The following ASAP1 variants were observed in gnomAD, a reference collection of about 807,000 sequenced individuals.
ASAP1 encodes the protein ArfGAP with SH3 domain, ankyrin repeat and PH domain 1.
A neutral mutation model predicts 145.2 loss-of-function variants in ASAP1; 43 were observed. The observed-to-expected ratio is 0.30, with a 90% confidence interval of 0.23 to 0.38. ASAP1 has a LOEUF of 0.38. Ranked by LOEUF, ASAP1 falls within the 10% of genes least tolerant of loss-of-function variation. The pLI, the probability that ASAP1 is intolerant of heterozygous loss-of-function variation, is 1.00. For missense variants in ASAP1, 1,018 were observed against 1,355.3 expected, an observed-to-expected ratio of 0.75 and a Z score of 3.91; for synonymous variants, 546 against 515.5, an observed-to-expected ratio of 1.06 and a Z score of -0.80.
At chr8:130,306,755 C>T (rs960826850) in intron 3 of ASAP1, among the ~76,000 whole-genome samples, 34 of 152,346 alleles carry the variant, frequency 2.2e-4, no homozygotes, top group African/African-American at 7.7e-4. Context: ...AATTCTTCAG[C>T]TATACTCACA....
chr8:130,155,893 T>G (rs1403765251), intron 12 of ASAP1, among the ~76,000 whole-genome samples: 1 of 152,190 alleles, frequency 6.6e-6, no homozygotes, highest in African/African-American at 2.4e-5. Flanking sequence ...TATTAGAAAA[T>G]GGTCTCGTAT....
intron 24 of ASAP1, among the ~76,000 whole-genome samples, chr8:130,102,207 C>A (rs112854327): frequency 6.6e-6 from 1 of 152,152 alleles, no homozygotes; most frequent in Admixed American, 6.5e-5. Context: ...CAGCTTTCCC[C>A]CATTCAGGAT....
At chr8:130,151,607 C>T (rs557373295) in intron 13 of ASAP1, among the ~76,000 whole-genome samples, 2 of 152,232 alleles carry the variant, frequency 1.3e-5, no homozygotes, top group Admixed American at 6.5e-5. Flanking sequence ...GAAAAGTGTG[C>T]TGCGAGGGGC....
At chr8:130,126,824 T>C (rs2097575639) in intron 16 of ASAP1, among the ~76,000 whole-genome samples, 1 of 152,216 alleles carries the variant, frequency 6.6e-6, no homozygotes, top group South Asian at 2.1e-4. Flanking sequence ...GAAAATCCAG[T>C]TTCACAAGTA....
chr8:130,380,140 A>G (rs1827699143), intron 2 of ASAP1, among the ~76,000 whole-genome samples: 1 of 152,200 alleles, frequency 6.6e-6, no homozygotes, highest in South Asian at 2.1e-4. Context: ...GGAGGATCTG[A>G]GTACAAGGAG....
intron 27 of ASAP1, among the ~76,000 whole-genome samples, chr8:130,070,497 G>A (rs1384141119): frequency 1.3e-5 from 2 of 152,262 alleles, no homozygotes; most frequent in African/African-American, 4.8e-5. Flanking sequence ...AGAAGCTAGA[G>A]TGCTGGCAGG....
intron 24 of ASAP1, among the ~76,000 whole-genome samples, chr8:130,098,622 A>G (rs2097523229): frequency 6.6e-6 from 1 of 152,200 alleles, no homozygotes; most frequent in Non-Finnish European, 1.5e-5. Flanking sequence ...TGCCGAGATT[A>G]CAGGTGTGAG....
intron 1 of ASAP1, among the ~76,000 whole-genome samples, chr8:130,440,199 T>A (rs1830444103): frequency 6.6e-6 from 1 of 152,168 alleles, no homozygotes; most frequent in African/African-American, 2.4e-5. Flanking sequence ...TTCCTGCTTC[T>A]ACACTTTGCC....
intron 9 of ASAP1, among the ~76,000 whole-genome samples, chr8:130,174,570 A>C (rs371549973): frequency 1.3e-5 from 2 of 152,308 alleles, no homozygotes; most frequent in African/African-American, 4.8e-5. Context: ...CCAACCATGC[A>C]ACTAGGTTCA....
chr8:130,384,401 T>G (rs1043525631), intron 2 of ASAP1, among the ~76,000 whole-genome samples: 2 of 152,198 alleles, frequency 1.3e-5, no homozygotes, highest in Non-Finnish European at 2.9e-5. Flanking sequence ...CCTCCCCCTC[T>G]TCTTACTCAG....
chr8:130,137,083 T>C (rs775120922), intron 13 of ASAP1, 45 bp from the exon 14 acceptor site: 90 of 1,525,394 alleles, frequency 5.9e-5, no homozygotes, highest in Non-Finnish European at 5.5e-5. Flanking sequence ...AGCTCCACTC[T>C]CTTGTCTGCA....
At chr8:130,416,133 T>C (rs1417362161) in intron 1 of ASAP1, among the ~76,000 whole-genome samples, 1 of 152,174 alleles carries the variant, frequency 6.6e-6, no homozygotes, top group East Asian at 1.9e-4. Flanking sequence ...TAAGCCTGGA[T>C]GCAGCTGACT....
intron 3 of ASAP1, among the ~76,000 whole-genome samples, chr8:130,268,521 AC>A (rs1820398795): frequency 1.3e-5 from 2 of 151,654 alleles, no homozygotes; most frequent in African/African-American, 4.9e-5. Context: ...ACACACACAC[AC>A]ACACACACAC....
chr8:130,343,254 T>C (rs1825500198), intron 3 of ASAP1, among the ~76,000 whole-genome samples: 1 of 152,172 alleles, frequency 6.6e-6, no homozygotes, highest in African/African-American at 2.4e-5. Context: ...ATGGGGCAGA[T>C]AGAGAAGTCA....
At chr8:130,123,693 C>T (rs1280573372) in intron 18 of ASAP1, among the ~76,000 whole-genome samples, 1 of 152,134 alleles carries the variant, frequency 6.6e-6, no homozygotes, top group African/African-American at 2.4e-5. Flanking sequence ...GGGGTGCGAT[C>T]TCGGCTCACT....
chr8:130,058,259 C>A (rs949661056), intron 28 of ASAP1, among the ~76,000 whole-genome samples, 183 bp from the exon 29 acceptor site: 1 of 152,222 alleles, frequency 6.6e-6, no homozygotes, highest in African/African-American at 2.4e-5. Context: ...GTACTCTTAA[C>A]TACAGGCCCT....
At position 130,113,377 on chromosome 8, in the gene ASAP1, C is replaced by T. The variant is rs200721948; in HGVS notation, c.2173-1055G>A. On this transcript the variant is annotated intron_variant, in intron 23 of 29. Coordinates refer to ENST00000518721, the MANE Select transcript of ASAP1 (RefSeq NM_018482.4). ...CCCACTTCTTTCCCTGGCAAGCTTC[C>T]ACCTATCCTTAGAAACCCATCTCCA... Among the ~76,000 whole-genome samples the T allele has an allele frequency of 2.6e-5, 4 of 152,316 alleles. No individual in the cohort carries two copies. The East Asian group carries it at 7.7e-4, about 29-fold the overall frequency.
In ASAP1 at chr8:130,099,700, T is replaced by TTTTTTG. The variant is rs35874860; in HGVS notation, c.2402-7558_2402-7557insCAAAAA. On this transcript the variant is annotated intron_variant, in intron 24 of 29. Coordinates refer to ENST00000518721, the MANE Select transcript of ASAP1 (RefSeq NM_018482.4). ...TCATTCTTTTTTTTTTTTTTTTTTTTGAGACAGAGTCTTGCTGTGTCGTCC... is the reference window on the plus strand; with the variant it reads ...TCATTCTTTTTTTTTTTTTTTTTTTTTTTTTGGAGACAGAGTCTTGCTGTGTCGTCC... Among the ~76,000 whole-genome samples, 35 of 125,148 alleles carry TTTTTTG rather than the reference T, an allele frequency of 2.8e-4. 3 individuals are homozygous for TTTTTTG. Among genetic ancestry groups the TTTTTTG allele is most frequent in the South Asian group, 9.8e-4 (4 of 4,096 alleles). The allele number at this position is 125,148 out of a possible 152,430, so 82.1% of individuals were successfully genotyped here. A position where few individuals can be genotyped will look rare whatever the true frequency, so the allele number is the denominator to read the frequency against.
At chr8:130,096,044 C>T (rs1275796014) in intron 24 of ASAP1, among the ~76,000 whole-genome samples, 2 of 152,142 alleles carry the variant, frequency 1.3e-5, no homozygotes, top group Non-Finnish European at 2.9e-5. Context: ...TATAATCTTA[C>T]ACTTGGAAAA....
Sources: allele counts gnomAD v4.1 joint callset (sites outside exome capture counted in the v4.1 genomes callset), GRCh38; gene constraint gnomAD v4.1.1; transcripts MANE v1.5; gene names NCBI Gene and HGNC (gene_info 2026-07-23, HGNC 2026-07-21).